Variants in CSPP1 observed in about 807,000 individuals in gnomAD.
CSPP1 encodes the protein centrosome and spindle pole associated protein 1, also known as centrosome and spindle pole-associated protein 1.
A neutral mutation model predicts 164.4 loss-of-function variants in CSPP1; 126 were observed. The ratio of observed to expected loss-of-function variants is 0.77; its 90% CI spans 0.66 to 0.89. The LOEUF is 0.89. CSPP1 is among the 40% of genes least tolerant of loss of function. The pLI, the probability that CSPP1 is intolerant of heterozygous loss-of-function variation, is 0.00. For missense variants in CSPP1, 1,395 were observed against 1,449.8 expected (o/e 0.96, Z 0.61); for synonymous variants, 472 against 476.7 (o/e 0.99, Z 0.13).
chr8:67,160,949 C>T (rs908335856), intron 21 of CSPP1, among the ~76,000 whole-genome samples: 3 of 152,108 alleles, frequency 2.0e-5, no homozygotes, highest in African/African-American at 7.2e-5. Context: ...GCCCTAGCCT[C>T]CCCAGTAGCT....
chr8:67,192,230 A>G (rs1836530301), intron 29 of CSPP1, among the ~76,000 whole-genome samples: 1 of 151,842 alleles, frequency 6.6e-6, no homozygotes, highest in South Asian at 2.1e-4. Flanking sequence ...GCATGCCAAC[A>G]CGCCTGGCTA....
At chr8:67,100,681 A>C (rs2129546625) in intron 7 of CSPP1, among the ~76,000 whole-genome samples, 1 of 151,316 alleles carries the variant, frequency 6.6e-6, no homozygotes, top group Admixed American at 6.6e-5. Flanking sequence ...CCAGGCTCAA[A>C]CAGTCCTCCC....
At chr8:67,086,765 G>A in intron 4 of CSPP1, 1 of 934,154 alleles carries the variant, frequency 1.1e-6, no homozygotes, top group Non-Finnish European at 1.6e-6. Flanking sequence ...TTTACACATG[G>A]AGAGAATGAA....
At chr8:67,085,407 C>A (rs746193926) in intron 3 of CSPP1, among the ~76,000 whole-genome samples, 1 of 150,134 alleles carries the variant, frequency 6.7e-6, no homozygotes, top group African/African-American at 2.4e-5. Flanking sequence ...TTCTAAGCAA[C>A]ACATGGCCCT....
chr8:67,111,388 G>A (rs1816803177), intron 9 of CSPP1, among the ~76,000 whole-genome samples: 1 of 152,144 alleles, frequency 6.6e-6, no homozygotes, highest in Non-Finnish European at 1.5e-5. Flanking sequence ...ATTGGAGCAG[G>A]GAGAAGGGAG....
At chr8:67,095,844 ATAAT>A (rs978465032) in intron 7 of CSPP1, 112 bp downstream of exon 7, 3 of 660,516 alleles carry the variant, frequency 4.5e-6, no homozygotes, top group Admixed American at 3.2e-5. Context: ...TTGATTTATC[ATAAT>A]TAATTCTAAG....
chr8:67,077,986 T>G (rs934949198), intron 3 of CSPP1, among the ~76,000 whole-genome samples: 3 of 152,210 alleles, frequency 2.0e-5, no homozygotes, highest in African/African-American at 4.8e-5. Context: ...TTGGTAAAAT[T>G]TTTTAATCTC....
intron 15 of CSPP1, among the ~76,000 whole-genome samples, chr8:67,125,936 G>A (rs1314262254): frequency 2.0e-5 from 3 of 152,146 alleles, no homozygotes; most frequent in Admixed American, 1.3e-4. Flanking sequence ...AGGTTCAAGC[G>A]ATTGTCCTGC....
chr8:67,070,734 T>C (rs1806587488), intron 1 of CSPP1, among the ~76,000 whole-genome samples: 1 of 149,532 alleles, frequency 6.7e-6, no homozygotes, highest in African/African-American at 2.4e-5. Context: ...TATATATATA[T>C]ATATATATTT....
intron 6 of CSPP1, among the ~76,000 whole-genome samples, chr8:67,094,538 C>G (rs531461678): frequency 6.6e-6 from 1 of 152,020 alleles, no homozygotes; most frequent in South Asian, 2.1e-4. Context: ...TCCCAAAGTG[C>G]TGGGATTACA....
chr8:67,104,951 T>C (rs1268138808), intron 8 of CSPP1, among the ~76,000 whole-genome samples: 5 of 115,440 alleles, frequency 4.3e-5, no homozygotes, highest in African/African-American at 1.1e-4. Flanking sequence ...TACATGCACA[T>C]ATATATATAT....
intron 7 of CSPP1, among the ~76,000 whole-genome samples, chr8:67,098,545 G>T (rs1813331169): frequency 6.6e-6 from 1 of 151,722 alleles, no homozygotes; most frequent in Non-Finnish European, 1.5e-5. Context: ...TAACAAGGTG[G>T]TTAACACTGT....
Position 67,103,122 on chromosome 8 carries a change from G to T in CSPP1, c.1009G>T (p.Ala337Ser), listed in dbSNP as rs1395802185. 1.9e-6 allele frequency: 3 copies of T among 1,588,170 alleles called. No individual in the cohort carries two copies. The highest frequency in any genetic ancestry group is 1.3e-5 in the African/African-American group (1 of 74,436). Reference protein sequence around the residue: ...IEQSNIRISSAENKSAPDNET... With the variant: ...IEQSNIRISSSENKSAPDNET... ...ACAGTCAAACATAAGAATTTCATCT[G>T]CTGAAAATAAAAGGTACAGTATGTA... The change falls in exon 8 of 31, where the codon GCT becomes TCT. Residue 337 changes from alanine (A) to serine (S), a missense_variant. Physicochemically the swap from Ala to Ser is moderately conservative, Grantham distance 99 (BLOSUM62 1). Coordinates refer to ENST00000678616, the MANE Select transcript of CSPP1 (RefSeq NM_001382391.1).
intron 15 of CSPP1, among the ~76,000 whole-genome samples, chr8:67,123,952 T>C (rs924595395): frequency 6.8e-6 from 1 of 147,316 alleles, no homozygotes; most frequent in African/African-American, 2.5e-5. Flanking sequence ...CAGGCTGGAG[T>C]GCAGTGGTGC....
chr8:67,175,684 A>G (rs1831449045), intron 26 of CSPP1: 2 of 610,694 alleles, frequency 3.3e-6, no homozygotes, highest in East Asian at 6.7e-5. Context: ...GGAGGACTGA[A>G]TACTTTGACC....
intron 16 of CSPP1, chr8:67,136,033 C>A: frequency 6.6e-6 from 1 of 152,234 alleles, no homozygotes; most frequent in Non-Finnish European, 1.5e-5. Flanking sequence ...TGACATTTAT[C>A]CATTAAATTT....
intron 4 of CSPP1, among the ~76,000 whole-genome samples, chr8:67,090,087 A>T (rs1405597763): frequency 7.9e-5 from 12 of 152,064 alleles, no homozygotes; most frequent in African/African-American, 2.7e-4. Context: ...TGGAACTATG[A>T]ATGGGTTTTT....
Position 67,196,421 on chromosome 8 carries a change from G to GTGA in CSPP1, c.*830_*832dup, listed in dbSNP as rs1367701288. 6.6e-6 allele frequency among the ~76,000 whole-genome samples: 1 copy of GTGA among 152,248 alleles called. No individual in the cohort carries two copies. The highest frequency in any genetic ancestry group is 3.4e-3 in the Middle Eastern group (1 of 294). Reference sequence around the variant, plus strand: ...TGTGAGTTTTCTAATCACTCAGTAAGTGATACTTCTAAAAAAGGAAAGAGT... The same window carrying GTGA: ...TGTGAGTTTTCTAATCACTCAGTAAGTGATGATACTTCTAAAAAAGGAAAGAGT... On this transcript the variant is annotated 3_prime_UTR_variant, in exon 31 of 31. Transcript: ENST00000678616.
At chr8:67,153,966 CTG>C in intron 18 of CSPP1, 56 bp from the exon 19 acceptor site, 3 of 732,582 alleles carry the variant, frequency 4.1e-6, no homozygotes, top group South Asian at 1.7e-5. Context: ...CATTCTTTAA[CTG>C]TTAAATTTTC....
Sources: allele counts gnomAD v4.1 joint callset (sites outside exome capture counted in the v4.1 genomes callset), GRCh38; gene constraint gnomAD v4.1.1; transcripts MANE v1.5; gene names NCBI Gene and HGNC (gene_info 2026-07-23, HGNC 2026-07-21).